Variants in DAG1 observed in about 807,000 individuals in gnomAD.
DAG1 encodes dystroglycan 1 (dystrophin-associated glycoprotein 1).
Under a neutral mutation model 46.1 loss-of-function variants are expected in DAG1, and 8 were observed. The observed-to-expected ratio is 0.17, with a 90% CI of 0.10 to 0.31. The LOEUF (loss-of-function observed/expected upper bound fraction) is 0.31, where lower values mean the gene tolerates loss of function less well. Among genes scored for constraint, DAG1 ranks in the 10% least tolerant of loss-of-function variants. The pLI is 1.00. For missense variants in DAG1, 1,003 were observed against 1,189.9 expected (o/e 0.84, Z 2.31); for synonymous variants, 495 against 481.8 (o/e 1.03, Z -0.36).
At chr3:49,528,849 C>A (rs568809166) in intron 2 of DAG1, among the ~76,000 whole-genome samples, 6 of 148,176 alleles carry the variant, frequency 4.0e-5, no homozygotes, top group African/African-American at 1.5e-4. Flanking sequence ...AATAATAACG[C>A]CTTTTTTTTT....
intron 1 of DAG1, 185 bp from the exon 2 acceptor site, chr3:49,510,234 G>A: frequency 1.9e-6 from 1 of 519,816 alleles, no homozygotes; most frequent in South Asian, 3.5e-5. Context: ...TATATTTAAT[G>A]GATCAGCTAC....
intron 2 of DAG1, among the ~76,000 whole-genome samples, chr3:49,529,712 A>G (rs764586600): frequency 2.1e-4 from 32 of 152,198 alleles, no homozygotes; most frequent in Admixed American, 4.6e-4. Context: ...CAGGCCAACC[A>G]GAGAATGGGG....
intron 1 of DAG1, among the ~76,000 whole-genome samples, chr3:49,483,075 TTAATCAGAA>T (rs1403616012): frequency 2.0e-5 from 3 of 152,204 alleles, no homozygotes; most frequent in African/African-American, 7.2e-5. Context: ...TATTTGGCTA[TTAATCAGAA>T]CCTGGGATAA....
At chr3:49,514,155 G>A (rs1001604745) in intron 2 of DAG1, among the ~76,000 whole-genome samples, 1 of 152,198 alleles carries the variant, frequency 6.6e-6, no homozygotes, top group African/African-American at 2.4e-5. Context: ...CTTCGTTCCA[G>A]TCTTAACCAC....
chr3:49,495,985 G>A (rs1177751974), intron 1 of DAG1, among the ~76,000 whole-genome samples: 1 of 151,830 alleles, frequency 6.6e-6, no homozygotes, highest in Non-Finnish European at 1.5e-5. Flanking sequence ...GTTTGGCCTG[G>A]TCCTTATCTT....
intron 1 of DAG1, among the ~76,000 whole-genome samples, chr3:49,474,300 C>T (rs866065952): frequency 4.6e-5 from 7 of 151,982 alleles, no homozygotes; most frequent in East Asian, 1.9e-4. Context: ...GTGGTCTGCC[C>T]GCCTCGGCCT....
chr3:49,532,979 A>G lies in DAG1; in HGVS notation c.2468A>G (p.Lys823Arg), dbSNP rs753389830. The stretch of plus-strand genomic sequence containing the variant: ...ATGCCACTCATTCTGCAGGAGGAGA[A>G]GGCTCCCCTACCCCCTCCTGAGTAC... ...SSMPLILQEEKAPLPPPEYPN... is the reference protein window; with the variant it reads ...SSMPLILQEERAPLPPPEYPN... Residue 823 changes from lysine (K) to arginine (R), a missense_variant, in exon 3 of 3, where the codon AAG becomes AGG. Around this residue, in one of 3 missense-constraint regions of DAG1, gnomAD observed 755 missense variants for 854.1 expected, o/e 0.88. Coordinates refer to ENST00000308775, the MANE Select transcript of DAG1 (RefSeq NM_004393.6). The surrounding 1 kb of genome is among the most constrained non-coding windows in gnomAD (Gnocchi z 5.4). 2 of 1,613,990 alleles carry G rather than the reference A, an allele frequency of 1.2e-6. No individual in the cohort carries two copies. The highest frequency in any genetic ancestry group is 1.7e-6 in the Non-Finnish European group (2 of 1,179,984).
At position 49,534,595 on chromosome 3, in the gene DAG1, G is replaced by A. The variant is rs1373687383; in HGVS notation, c.*1396G>A. ...TTCCATGGAACTGACGGCTTTGCTT[G>A]TTTTGATTCTTTTCCCCCTACTTTT... On this transcript the variant is annotated 3_prime_UTR_variant, in exon 3 of 3. Coordinates refer to ENST00000308775, the MANE Select transcript of DAG1 (RefSeq NM_004393.6). 2 of 152,602 alleles carry A rather than the reference G, an allele frequency of 1.3e-5. No individual in the cohort carries two copies. Among genetic ancestry groups the A allele is most frequent in the African/African-American group, 4.8e-5 (2 of 41,454 alleles). 9.5% of individuals were successfully genotyped at this position (152,602 alleles called of 1,614,324 possible). A position where few individuals can be genotyped will look rare whatever the true frequency, so the allele number is the denominator to read the frequency against.
intron 2 of DAG1, among the ~76,000 whole-genome samples, chr3:49,520,989 C>T (rs1191336155): frequency 6.6e-6 from 1 of 152,060 alleles, no homozygotes; most frequent in Non-Finnish European, 1.5e-5. Flanking sequence ...TTTTGTTTTT[C>T]AGCTATGCAT....
intron 1 of DAG1, among the ~76,000 whole-genome samples, chr3:49,505,730 G>A (rs1041447580): frequency 1.3e-5 from 2 of 151,834 alleles, no homozygotes. Context: ...GGAGTGCAAT[G>A]GCGCCATCTT....
chr3:49,475,786 C>T lies in DAG1; in HGVS notation c.-117+5353C>T, dbSNP rs1344128219. ...TGGTGCGATCCTGGCTCACTGTAAGCTCCGCCTCCTGGGTTCATGACATTC... is the reference window on the plus strand; with the variant it reads ...TGGTGCGATCCTGGCTCACTGTAAGTTCCGCCTCCTGGGTTCATGACATTC... On this transcript the variant is annotated intron_variant, in intron 1 of 2. Coordinates refer to ENST00000308775, the MANE Select transcript of DAG1 (RefSeq NM_004393.6). Among the ~76,000 whole-genome samples, 4 of 151,004 alleles carry T rather than the reference C, an allele frequency of 2.6e-5. No homozygotes were observed. The East Asian group carries it at 5.9e-4, about 22-fold the overall frequency.
intron 2 of DAG1, among the ~76,000 whole-genome samples, chr3:49,511,644 G>C (rs1294798644): frequency 6.6e-6 from 1 of 152,160 alleles, no homozygotes; most frequent in African/African-American, 2.4e-5. Context: ...CTCCCAAGTA[G>C]CTGGGACTAT....
In DAG1 at chr3:49,533,672, GAAGTT is replaced by G; in HGVS notation, c.*477_*481del. ...AAAGATTAAATTCAAAGGACTTTCAGAAGTTAAGGTTAAGTTTTTACGTTTAATCT... is the reference window on the plus strand; with the variant it reads ...AAAGATTAAATTCAAAGGACTTTCAGAAGGTTAAGTTTTTACGTTTAATCT... On this transcript the variant is annotated 3_prime_UTR_variant, in exon 3 of 3. Transcript: ENST00000308775. 3.3e-6 allele frequency: 1 copy of G among 305,358 alleles called. No homozygotes were observed. The highest frequency in any genetic ancestry group is 6.4e-6 in the Non-Finnish European group (1 of 156,816). The allele number at this position is 305,358 out of a possible 1,614,324, so 18.9% of individuals were successfully genotyped here. A position where few individuals can be genotyped will look rare whatever the true frequency, so the allele number is the denominator to read the frequency against.
intron 2 of DAG1, among the ~76,000 whole-genome samples, chr3:49,515,141 T>C (rs2050863858): frequency 6.6e-6 from 1 of 152,026 alleles, no homozygotes; most frequent in Non-Finnish European, 1.5e-5. Context: ...GCCCACGTTT[T>C]GTATTTTTAG....
chr3:49,528,580 C>T lies in DAG1; in HGVS notation c.286-2217C>T, dbSNP rs138754805. Among the ~76,000 whole-genome samples, 1,406 of 151,818 alleles carry T rather than the reference C, an allele frequency of 9.3e-3. 28 individuals are homozygous for T. The highest frequency in any genetic ancestry group is 0.031 in the African/African-American group (1,285 of 41,394). Reference sequence around the variant, plus strand: ...GATTACAGGCATGAGCCACCACGCCCAGCCAATAAGTGTGATTTTTATGGT... The same window carrying T: ...GATTACAGGCATGAGCCACCACGCCTAGCCAATAAGTGTGATTTTTATGGT... On this transcript the variant is annotated intron_variant, in intron 2 of 2. Transcript: ENST00000308775.
chr3:49,485,657 CTTTTTTTTTTTT>C (rs749730213), intron 1 of DAG1, among the ~76,000 whole-genome samples: 4 of 82,110 alleles, frequency 4.9e-5, no homozygotes, highest in Non-Finnish European at 9.5e-5. Flanking sequence ...TGTTTTCTTT[CTTTTTTTTTTTT>C]TTTTTTTTTT....
At chr3:49,482,972 AGTT>A (rs902645239) in intron 1 of DAG1, among the ~76,000 whole-genome samples, 7 of 152,166 alleles carry the variant, frequency 4.6e-5, no homozygotes, top group African/African-American at 1.4e-4. Flanking sequence ...TAATTAGCTC[AGTT>A]GTTCTCCAGG....
At chr3:49,530,654 T>C in intron 2 of DAG1, 143 bp from the exon 3 acceptor site, 2 of 1,207,446 alleles carry the variant, frequency 1.7e-6, no homozygotes, top group East Asian at 2.5e-5. Context: ...GTTGTGTCTC[T>C]CTAGGGGGGA....
At chr3:49,522,598 C>T (rs1459764715) in intron 2 of DAG1, among the ~76,000 whole-genome samples, 1 of 151,958 alleles carries the variant, frequency 6.6e-6, no homozygotes, top group Non-Finnish European at 1.5e-5. Context: ...AGCCACCATG[C>T]CCAGCTCAGT....
Sources: allele counts gnomAD v4.1 joint callset (sites outside exome capture counted in the v4.1 genomes callset), GRCh38; gene constraint gnomAD v4.1.1; regional missense constraint gnomAD v4.1.1; non-coding constraint Gnocchi (gnomAD v3.1); transcripts MANE v1.5; gene names NCBI Gene and HGNC (gene_info 2026-07-23, HGNC 2026-07-21).